PRKAG2: variants seen among roughly 807,000 people sequenced by gnomAD.
PRKAG2 encodes protein kinase AMP-activated non-catalytic subunit gamma 2.
A neutral mutation model predicts 69.6 loss-of-function variants in PRKAG2; 26 were observed. That is an observed-to-expected ratio of 0.37 (90% CI 0.27 to 0.52). PRKAG2 has a LOEUF of 0.52. Ranked by LOEUF, PRKAG2 falls within the 20% of genes least tolerant of loss-of-function variation. The pLI is 0.90. For synonymous variants in PRKAG2, 293 were observed against 285.0 expected, an observed-to-expected ratio of 1.03 and a Z score of -0.28; for missense variants, 557 against 740.0, an observed-to-expected ratio of 0.75 and a Z score of 2.87.
chr7:151,818,389 C>T (rs370503645), intron 1 of PRKAG2, among the ~76,000 whole-genome samples: 4 of 151,968 alleles, frequency 2.6e-5, no homozygotes, highest in East Asian at 1.9e-4. Context: ...AATCCCATGC[C>T]GCCCTCAGCC....
chr7:151,631,769 C>T (rs1446409801), intron 5 of PRKAG2: 3 of 476,400 alleles, frequency 6.3e-6, no homozygotes. Context: ...TGACACCTTG[C>T]TGTAATTCGA....
At chr7:151,630,199 T>C (rs187965325) in intron 5 of PRKAG2, among the ~76,000 whole-genome samples, 98 of 152,232 alleles carry the variant, frequency 6.4e-4, no homozygotes, top group Middle Eastern at 3.4e-3. Context: ...TTTAATACTT[T>C]ACATTCATTA....
At chr7:151,679,387 G>A (rs1833481302) in intron 3 of PRKAG2, among the ~76,000 whole-genome samples, 1 of 152,156 alleles carries the variant, frequency 6.6e-6, no homozygotes, top group Non-Finnish European at 1.5e-5. Flanking sequence ...GCTCGTCCTG[G>A]TCCCACAATG....
At chr7:151,746,774 G>A (rs7800351) in intron 3 of PRKAG2, among the ~76,000 whole-genome samples, 3 of 152,186 alleles carry the variant, frequency 2.0e-5, no homozygotes, top group Middle Eastern at 3.2e-3. Context: ...GGGAGAGAGC[G>A]CTGGGCTCCA....
intron 3 of PRKAG2, among the ~76,000 whole-genome samples, chr7:151,727,592 G>T (rs1798201263): frequency 6.6e-6 from 1 of 152,306 alleles, no homozygotes; most frequent in South Asian, 2.1e-4. Context: ...CTGCCAACTG[G>T]ACATCCCTCC....
chr7:151,605,592 C>T (rs929609472), intron 5 of PRKAG2, among the ~76,000 whole-genome samples: 5 of 151,040 alleles, frequency 3.3e-5, no homozygotes, highest in Admixed American at 1.3e-4. Context: ...CAAAAATTAG[C>T]TGTGCATAGT....
At chr7:151,750,610 G>A (rs2074602652) in intron 3 of PRKAG2, among the ~76,000 whole-genome samples, 1 of 152,192 alleles carries the variant, frequency 6.6e-6, no homozygotes, top group Non-Finnish European at 1.5e-5. Context: ...AGGGGTAATG[G>A]AGATTGAGGG....
intron 8 of PRKAG2, among the ~76,000 whole-genome samples, chr7:151,574,149 G>T (rs1252223017): frequency 6.6e-6 from 1 of 152,116 alleles, no homozygotes; most frequent in Non-Finnish European, 1.5e-5. Context: ...TGAGCATTAC[G>T]CATAAAGCAG....
intron 4 of PRKAG2, among the ~76,000 whole-genome samples, chr7:151,639,794 C>T (rs1826356802): frequency 6.6e-6 from 1 of 152,210 alleles, no homozygotes; most frequent in African/African-American, 2.4e-5. Context: ...ATCCCAGGGA[C>T]TCCAGCTTGG....
intron 6 of PRKAG2, among the ~76,000 whole-genome samples, chr7:151,578,162 T>C (rs1337176342): frequency 1.3e-5 from 2 of 150,734 alleles, no homozygotes; most frequent in Non-Finnish European, 2.9e-5. Flanking sequence ...CTGGCTAACA[T>C]GGTAAAACCT....
intron 15 of PRKAG2, chr7:151,560,134 C>A: frequency 1.0e-6 from 1 of 985,046 alleles, no homozygotes; most frequent in South Asian, 4.7e-5. Context: ...AGTTTTTTTT[C>A]TCTTTAAGGA....
At chr7:151,690,112 G>A (rs1220647488) in intron 3 of PRKAG2, among the ~76,000 whole-genome samples, 2 of 152,156 alleles carry the variant, frequency 1.3e-5, no homozygotes, top group Non-Finnish European at 2.9e-5. Flanking sequence ...GCCCCTCGAT[G>A]GCAACAACAA....
chr7:151,592,949 G>A (rs986651771), intron 6 of PRKAG2, among the ~76,000 whole-genome samples: 3 of 152,136 alleles, frequency 2.0e-5, no homozygotes, highest in African/African-American at 7.2e-5. Context: ...TATTTCCATG[G>A]TAATGCATCT....
At chr7:151,866,732 G>C (rs953721559) in intron 1 of PRKAG2, among the ~76,000 whole-genome samples, 1 of 152,168 alleles carries the variant, frequency 6.6e-6, no homozygotes, top group African/African-American at 2.4e-5. Context: ...CTGAGGTGGT[G>C]AGCAGGGTGG....
intron 4 of PRKAG2, among the ~76,000 whole-genome samples, chr7:151,647,105 G>C (rs938793641): frequency 6.6e-6 from 1 of 152,210 alleles, no homozygotes; most frequent in African/African-American, 2.4e-5. Flanking sequence ...CCCTGTTCTT[G>C]CCACAAGCAA....
At chr7:151,700,120 C>T (rs1253402430) in intron 3 of PRKAG2, among the ~76,000 whole-genome samples, 2 of 152,160 alleles carry the variant, frequency 1.3e-5, no homozygotes, top group East Asian at 3.8e-4. Flanking sequence ...TGCATCATTG[C>T]AAAATGATGT....
rs1351796408 is a variant in PRKAG2 at position 151,556,993 on chromosome 7, T to C, written c.*208A>G. 2 of 723,248 alleles carry C rather than the reference T, an allele frequency of 2.8e-6. No homozygotes were observed. Among genetic ancestry groups the C allele is most frequent in the Admixed American group, 2.8e-5 (1 of 36,014 alleles). The allele number at this position is 723,248 out of a possible 1,614,324, so 44.8% of individuals were successfully genotyped here. A position where few individuals can be genotyped will look rare whatever the true frequency, so the allele number is the denominator to read the frequency against. ...GCATTTAAAATCCTTCAGACAAAGG[T>C]CTGAAAACAGTCTTTTAATGCAAGC... On this transcript the variant is annotated 3_prime_UTR_variant, in exon 16 of 16. Coordinates refer to ENST00000287878, the MANE Select transcript of PRKAG2 (RefSeq NM_016203.4).
At chr7:151,597,829 C>CT (rs1341572721) in intron 5 of PRKAG2, among the ~76,000 whole-genome samples, 1 of 150,046 alleles carries the variant, frequency 6.7e-6, no homozygotes, top group African/African-American at 2.4e-5. Context: ...AGCCCCCCCC[C>CT]CCGCTCTTTT....
intron 3 of PRKAG2, among the ~76,000 whole-genome samples, chr7:151,740,215 G>A (rs1291526317): frequency 1.3e-5 from 2 of 152,212 alleles, no homozygotes; most frequent in African/African-American, 4.8e-5. Flanking sequence ...AGCCAACAGT[G>A]GGCACAGCAG....
Sources: allele counts gnomAD v4.1 joint callset (sites outside exome capture counted in the v4.1 genomes callset), GRCh38; gene constraint gnomAD v4.1.1; transcripts MANE v1.5; gene names NCBI Gene and HGNC (gene_info 2026-07-23, HGNC 2026-07-21).